Variants in TOX2 observed in about 807,000 individuals in gnomAD.
The protein encoded by TOX2 is granulosa cell HMG box 1.
A neutral mutation model predicts 47.4 loss-of-function variants in TOX2; 15 were observed. That is an observed-to-expected ratio of 0.32 (90% CI 0.21 to 0.49). The LOEUF (loss-of-function observed/expected upper bound fraction) is 0.49. Among genes scored for constraint, TOX2 ranks in the 20% least tolerant of loss-of-function variants. TOX2 has a pLI of 0.99. For missense variants in TOX2, 622 were observed against 673.1 expected (o/e 0.92, Z 0.84); for synonymous variants, 290 against 296.6 (o/e 0.98, Z 0.23).
chr20:44,041,161 A>AGGGT (rs1392168474), intron 3 of TOX2, among the ~76,000 whole-genome samples: 1 of 152,246 alleles, frequency 6.6e-6, no homozygotes, highest in Non-Finnish European at 1.5e-5. Flanking sequence ...CACAGCCAGC[A>AGGGT]GGGTGGCCTT....
chr20:43,975,936 A>T (rs370344121), intron 2 of TOX2, among the ~76,000 whole-genome samples: 1 of 152,082 alleles, frequency 6.6e-6, no homozygotes, highest in Non-Finnish European at 1.5e-5. Flanking sequence ...CAATGTCCCT[A>T]ACAGTGGAAC....
At chr20:44,034,719 C>T (rs1488391805) in intron 3 of TOX2, among the ~76,000 whole-genome samples, 1 of 152,202 alleles carries the variant, frequency 6.6e-6, no homozygotes, top group Non-Finnish European at 1.5e-5. Context: ...CTCTGCTTCT[C>T]CTTCCAGGAC....
intron 1 of TOX2, among the ~76,000 whole-genome samples, chr20:43,954,460 CTG>C (rs35717263): frequency 0.11 from 17,044 of 152,244 alleles, 1,191 homozygotes; most frequent in African/African-American, 0.19. Flanking sequence ...GGGGCTGGGA[CTG>C]TGTCTACCTT....
In TOX2 at chr20:44,067,714, C is replaced by A. The variant is rs189810343; in HGVS notation, c.1484+857C>A. On this transcript the variant is annotated intron_variant, in intron 8 of 8. Transcript: ENST00000341197. ...TCTTCCTGGATCCACGCCACCCCAA[C>A]TCTGGGGAAGAGTGACCTTTCAACA... 6.1e-3 allele frequency among the ~76,000 whole-genome samples: 928 copies of A among 152,302 alleles called. 12 individuals carry two copies. The highest frequency in any genetic ancestry group is 0.022 in the African/African-American group (901 of 41,564).
At chr20:43,988,140 G>T (rs987929577) in intron 2 of TOX2, among the ~76,000 whole-genome samples, 1 of 152,018 alleles carries the variant, frequency 6.6e-6, no homozygotes, top group Admixed American at 6.6e-5. Context: ...AGATGGTCTT[G>T]ATCTCTTGAC....
At position 44,054,304 on chromosome 20, in the gene TOX2, G is replaced by T. The variant is rs150404582; in HGVS notation, c.657G>T (p.Ser219=). Residue 219 remains serine, a synonymous_variant, in exon 5 of 9, where the codon TCG becomes TCT. Transcript: ENST00000341197. ...GACTCTTCTCACTCGGGCAGATCTC[G>T]GGAGAAAAGAGACCTTCAGCCGACC... is the stretch of plus-strand genomic sequence containing the variant. ...EEESEVHFKI[S]GEKRPSADPG... 13 of 1,608,416 alleles carry T rather than the reference G, an allele frequency of 8.1e-6. No individual in the cohort carries two copies. The highest frequency in any genetic ancestry group is 3.3e-5 in the South Asian group (3 of 90,450).
intron 5 of TOX2, 106 bp downstream of exon 5, chr20:44,054,632 T>G (rs2071585527): frequency 8.1e-7 from 1 of 1,229,200 alleles, no homozygotes; most frequent in African/African-American, 1.5e-5. Flanking sequence ...AACTAGAGAC[T>G]CTTACAGAGG....
intron 2 of TOX2, among the ~76,000 whole-genome samples, chr20:43,993,053 G>A (rs6130493): frequency 1.3e-5 from 2 of 151,754 alleles, no homozygotes; most frequent in Non-Finnish European, 2.9e-5. Flanking sequence ...TCGAGTCCCC[G>A]CTGAATGAGG....
Position 44,068,639 on chromosome 20 carries a change from C to T in TOX2, c.1485-11C>T, listed in dbSNP as rs766854871. On this transcript the variant is annotated splice_polypyrimidine_tract_variant and intron_variant, in intron 8 of 8. Transcript: ENST00000341197. Reference sequence around the variant, plus strand: ...CCCAACAGCTTTGACAGCCCCTCCTCTCTCTCACAGCCTGCTCCCCAGGGA... The same window carrying T: ...CCCAACAGCTTTGACAGCCCCTCCTTTCTCTCACAGCCTGCTCCCCAGGGA... 31 of 1,609,346 alleles carry T rather than the reference C, an allele frequency of 1.9e-5. 1 individual carries two copies. The East Asian group carries it at 6.3e-4, about 32-fold the overall frequency.
chr20:43,921,122 G>A (rs142784142), intron 1 of TOX2, among the ~76,000 whole-genome samples: 51 of 152,302 alleles, frequency 3.3e-4, no homozygotes, highest in Middle Eastern at 3.4e-3. Flanking sequence ...AGTCTTTGGC[G>A]GACCTTCCAT....
chr20:43,962,084 C>G (rs944954983), intron 1 of TOX2, among the ~76,000 whole-genome samples: 1 of 152,164 alleles, frequency 6.6e-6, no homozygotes, highest in Non-Finnish European at 1.5e-5. Context: ...GATTTACAAT[C>G]GGGGATGGGA....
At chr20:44,063,583 A>G (rs1600803678) in intron 5 of TOX2, among the ~76,000 whole-genome samples, 1 of 152,308 alleles carries the variant, frequency 6.6e-6, no homozygotes, top group East Asian at 1.9e-4. Flanking sequence ...CTACTGTTTG[A>G]CCCAGCAATC....
At chr20:43,960,402 G>A (rs892166340) in intron 1 of TOX2, among the ~76,000 whole-genome samples, 5 of 152,202 alleles carry the variant, frequency 3.3e-5, no homozygotes, top group African/African-American at 1.2e-4. Context: ...TCCTGGATCC[G>A]ATGGCCATCC....
In TOX2 at chr20:44,069,012, G is replaced by A; in HGVS notation, c.*326G>A. On this transcript the variant is annotated 3_prime_UTR_variant, in exon 9 of 9. Coordinates refer to ENST00000341197, the MANE Select transcript of TOX2 (RefSeq NM_001098797.2). ...GGCCCCAGCTCCAGCCCCAGCCCAG[G>A]TGGGCCGCCCCTGGCGGGGTCGCTT... The A allele has an allele frequency of 2.1e-6, 1 of 476,288 alleles. No individual in the cohort carries two copies. The highest frequency in any genetic ancestry group is 4.1e-6 in the Non-Finnish European group (1 of 245,834). The allele number at this position is 476,288 out of a possible 1,614,324, so 29.5% of individuals were successfully genotyped here.
intron 1 of TOX2, among the ~76,000 whole-genome samples, chr20:43,965,904 G>A (rs576262088): frequency 6.6e-6 from 1 of 152,250 alleles, no homozygotes; most frequent in South Asian, 2.1e-4. Flanking sequence ...GGAGAATTGA[G>A]GGAATATCTG....
chr20:43,971,660 G>A (rs147103143), intron 1 of TOX2, among the ~76,000 whole-genome samples: 4 of 152,290 alleles, frequency 2.6e-5, no homozygotes, highest in South Asian at 4.2e-4. Context: ...ATTTATGGGA[G>A]CAATATTGGG....
Position 44,020,601 on chromosome 20 carries a change from C to T in TOX2, c.411+13809C>T, listed in dbSNP as rs546767631. ...AAGACAGACTACTGCTGAGCTGCTT[C>T]TGGAAACGTGATCCTAAGGCCAGCA... is the stretch of plus-strand genomic sequence containing the variant. On this transcript the variant is annotated intron_variant, in intron 3 of 8. Coordinates refer to ENST00000341197, the MANE Select transcript of TOX2 (RefSeq NM_001098797.2). 2.0e-5 allele frequency among the ~76,000 whole-genome samples: 3 copies of T among 152,344 alleles called. No individual in the cohort carries two copies. The South Asian group carries it at 6.2e-4, about 32-fold the overall frequency.
At chr20:44,011,815 G>A (rs572468239) in intron 3 of TOX2, among the ~76,000 whole-genome samples, 2 of 152,364 alleles carry the variant, frequency 1.3e-5, no homozygotes, top group South Asian at 2.1e-4. Context: ...GATCCCAGAG[G>A]CCACCAATTC....
intron 5 of TOX2, 69 bp from the exon 6 acceptor site, chr20:44,064,708 C>G: frequency 6.7e-7 from 1 of 1,481,906 alleles, no homozygotes; most frequent in Non-Finnish European, 9.4e-7. Context: ...GCCTTCCCAC[C>G]CCAGGACCCT....
Sources: gnomAD v4.1 joint callset for allele counts (sites outside exome capture counted in the v4.1 genomes callset) on GRCh38, gnomAD v4.1.1 for gene constraint, MANE v1.5 for transcripts, NCBI Gene and HGNC (gene_info 2026-07-23, HGNC 2026-07-21) for gene names.